TTC28: variants seen among roughly 807,000 people sequenced by gnomAD.
TTC28 encodes the protein tetratricopeptide repeat domain 28.
A neutral mutation model predicts 198.0 loss-of-function variants in TTC28; 61 were observed. The ratio of observed to expected loss-of-function variants is 0.31; its 90% CI spans 0.25 to 0.38. The LOEUF (loss-of-function observed/expected upper bound fraction) is 0.38. Among genes scored for constraint, TTC28 ranks in the 10% least tolerant of loss-of-function variants. TTC28 has a pLI of 1.00. For synonymous variants in TTC28, 1,171 were observed against 1,297.8 expected, an observed-to-expected ratio of 0.90 and a Z score of 2.10; for missense variants, 2,678 against 3,164.0, an observed-to-expected ratio of 0.85 and a Z score of 3.69.
intron 12 of TTC28, among the ~76,000 whole-genome samples, chr22:28,068,434 T>A (rs1940843454): frequency 6.6e-6 from 1 of 152,224 alleles, no homozygotes; most frequent in Admixed American, 6.5e-5. Context: ...AGCACCACTG[T>A]GTAACAGGTG....
At chr22:28,390,599 G>C (rs1199499530) in intron 2 of TTC28, among the ~76,000 whole-genome samples, 1 of 152,104 alleles carries the variant, frequency 6.6e-6, no homozygotes, top group Non-Finnish European at 1.5e-5. Flanking sequence ...ATTATGTAAT[G>C]GCCTTCTTTG....
chr22:28,237,711 C>T (rs1929353352), intron 5 of TTC28, among the ~76,000 whole-genome samples: 1 of 152,080 alleles, frequency 6.6e-6, no homozygotes, highest in Non-Finnish European at 1.5e-5. Flanking sequence ...ATTTTGGCCT[C>T]CCTTCTTTCC....
intron 2 of TTC28, among the ~76,000 whole-genome samples, chr22:28,329,293 A>G (rs774224586): frequency 6.6e-6 from 1 of 152,188 alleles, no homozygotes; most frequent in African/African-American, 2.4e-5. Context: ...GAAACCCAAT[A>G]AATAGGACTT....
At chr22:28,504,120 C>T (rs1246609167) in intron 2 of TTC28, among the ~76,000 whole-genome samples, 1 of 152,116 alleles carries the variant, frequency 6.6e-6, no homozygotes, top group Non-Finnish European at 1.5e-5. Context: ...CTATGTTCTA[C>T]AGTAATCTGA....
At chr22:28,579,581 GTATA>G (rs138886444) in intron 2 of TTC28, among the ~76,000 whole-genome samples, 2 of 147,754 alleles carry the variant, frequency 1.4e-5, no homozygotes, top group African/African-American at 5.0e-5. Context: ...GCATGTGTGT[GTATA>G]TATATATATA....
At position 27,993,586 on chromosome 22, in the gene TTC28, G is replaced by T. The variant is rs1305449958; in HGVS notation, c.5245-68C>A. 4.9e-6 allele frequency: 7 copies of T among 1,426,444 alleles called. No individual in the cohort carries two copies. The East Asian group carries it at 1.8e-4, about 36-fold the overall frequency. 88.4% of individuals were successfully genotyped at this position (1,426,444 alleles called of 1,614,324 possible). On this transcript the variant is annotated intron_variant, in intron 17 of 22. Coordinates refer to ENST00000397906, the MANE Select transcript of TTC28 (RefSeq NM_001145418.2). ...TGGTTTCCATCCGCATGGCTTTGAG[G>T]GTACACAAAGCCCCAGGGTGAAGCC...
At position 28,228,481 on chromosome 22, in the gene TTC28, C is replaced by A. The variant is rs185689513; in HGVS notation, c.934-64882G>T. On this transcript the variant is annotated intron_variant, in intron 5 of 22. Coordinates refer to ENST00000397906, the MANE Select transcript of TTC28 (RefSeq NM_001145418.2). ...TTGGAAGACCGAGGCAGGGGGATTA[C>A]CTGAGGTCAGGAGTTCAAGACCAGC... 4.9e-3 allele frequency among the ~76,000 whole-genome samples: 744 copies of A among 152,252 alleles called. 3 individuals carry two copies. The highest frequency in any genetic ancestry group is 8.6e-3 in the Non-Finnish European group (583 of 68,020).
chr22:28,163,923 G>A (rs1466694787), intron 5 of TTC28, among the ~76,000 whole-genome samples: 1 of 152,188 alleles, frequency 6.6e-6, no homozygotes, highest in Non-Finnish European at 1.5e-5. Context: ...GACGGCACCT[G>A]GAAAATCAGG....
At chr22:28,165,950 C>T (rs1319398938) in intron 5 of TTC28, among the ~76,000 whole-genome samples, 1 of 152,092 alleles carries the variant, frequency 6.6e-6, no homozygotes. Context: ...CATGCAGAGA[C>T]ACACATAGGC....
chr22:28,387,747 C>A (rs1220474019), intron 2 of TTC28, among the ~76,000 whole-genome samples: 1 of 152,076 alleles, frequency 6.6e-6, no homozygotes, highest in Non-Finnish European at 1.5e-5. Context: ...GATATTAGCC[C>A]TTTGTCAGAT....
chr22:28,345,116 G>A (rs146593936), intron 2 of TTC28, among the ~76,000 whole-genome samples: 54 of 152,174 alleles, frequency 3.5e-4, no homozygotes, highest in African/African-American at 1.2e-3. Context: ...TTTATTCAGC[G>A]TGGTTTAGTC....
intron 5 of TTC28, among the ~76,000 whole-genome samples, chr22:28,202,537 CAA>C (rs998861083): frequency 3.1e-4 from 34 of 110,634 alleles, no homozygotes; most frequent in Non-Finnish European, 2.7e-4. Context: ...GACTCTGTCT[CAA>C]AAAAAAAAAA....
chr22:28,098,343 C>T (rs183411361), intron 10 of TTC28, among the ~76,000 whole-genome samples: 2 of 152,104 alleles, frequency 1.3e-5, no homozygotes, highest in Admixed American at 6.5e-5. Context: ...TGAGAGGGAA[C>T]CTAGGGAGGG....
At chr22:28,280,294 A>G (rs2145732284) in intron 5 of TTC28, among the ~76,000 whole-genome samples, 1 of 152,072 alleles carries the variant, frequency 6.6e-6, no homozygotes, top group African/African-American at 2.4e-5. Context: ...AGCCATACGC[A>G]TTTTTAAAAA....
chr22:28,648,248 G>A (rs950147229), intron 1 of TTC28, among the ~76,000 whole-genome samples: 67 of 143,472 alleles, frequency 4.7e-4, no homozygotes, highest in African/African-American at 1.5e-3. Context: ...AAAAATGCTC[G>A]ACATCAGTAA....
chr22:28,036,310 C>A (rs1939342304), intron 12 of TTC28, among the ~76,000 whole-genome samples: 1 of 152,202 alleles, frequency 6.6e-6, no homozygotes, highest in African/African-American at 2.4e-5. Flanking sequence ...GAAATCACAA[C>A]AAACTGTCTC....
At chr22:28,192,953 A>G (rs567101036) in intron 5 of TTC28, among the ~76,000 whole-genome samples, 117 of 152,318 alleles carry the variant, frequency 7.7e-4, no homozygotes, top group African/African-American at 2.8e-3. Flanking sequence ...CCACAAAGAT[A>G]CGCCTTGACA....
intron 2 of TTC28, among the ~76,000 whole-genome samples, chr22:28,454,267 T>C (rs1325978075): frequency 6.6e-6 from 1 of 152,230 alleles, no homozygotes; most frequent in African/African-American, 2.4e-5. Context: ...TTATAAGCTC[T>C]AAGTAGTGCT....
intron 6 of TTC28, among the ~76,000 whole-genome samples, chr22:28,131,210 T>C (rs1943052706): frequency 6.6e-6 from 1 of 152,254 alleles, no homozygotes. Context: ...GGCTTGGTTC[T>C]GTTTCTAAAT....
Sources: allele counts gnomAD v4.1 joint callset (sites outside exome capture counted in the v4.1 genomes callset), GRCh38; gene constraint gnomAD v4.1.1; transcripts MANE v1.5; gene names NCBI Gene and HGNC (gene_info 2026-07-23, HGNC 2026-07-21).